Variants in IKBKB-DT observed in about 807,000 individuals in gnomAD.
IKBKB-DT encodes the protein IKBKB divergent transcript.
At chr8:42,234,275 G>A (rs115432572) in intron 3 of IKBKB-DT, among the ~76,000 whole-genome samples, 1 of 152,108 alleles carries the variant, frequency 6.6e-6, no homozygotes, top group Non-Finnish European at 1.5e-5. Flanking sequence ...CCTGATGTTC[G>A]CCTGACTTTC....
chr8:42,236,690 G>A (rs549466979), intron 3 of IKBKB-DT, among the ~76,000 whole-genome samples: 74 of 152,284 alleles, frequency 4.9e-4, no homozygotes, highest in South Asian at 1.9e-3. Flanking sequence ...CCAGAAGGCA[G>A]AGGTTGCGGT....
intron 3 of IKBKB-DT, among the ~76,000 whole-genome samples, chr8:42,238,291 G>T (rs376691403): frequency 6.6e-6 from 1 of 152,150 alleles, no homozygotes; most frequent in East Asian, 1.9e-4. Context: ...GTCTAGCCTG[G>T]CTGGGTCCAT....
At chr8:42,251,756 G>A (rs987824640) in intron 3 of IKBKB-DT, among the ~76,000 whole-genome samples, 1 of 151,074 alleles carries the variant, frequency 6.6e-6, no homozygotes, top group African/African-American at 2.5e-5. Flanking sequence ...ACTTGAACCT[G>A]GGGCAGAGGT....
chr8:42,254,052 C>A (rs1052112804), intron 3 of IKBKB-DT, among the ~76,000 whole-genome samples: 2 of 152,186 alleles, frequency 1.3e-5, no homozygotes, highest in African/African-American at 4.8e-5. Flanking sequence ...ATTGTGGGAG[C>A]TAACATAAAG....
chr8:42,269,668 A>AAGAGGGG (rs1402783693), intron 1 of IKBKB-DT, among the ~76,000 whole-genome samples: 4 of 151,196 alleles, frequency 2.6e-5, no homozygotes, highest in Non-Finnish European at 4.4e-5. Flanking sequence ...AAGGAGAGGG[A>AAGAGGGG]AGAGGGGAGA....
Position 42,239,614 on chromosome 8 carries a change from T to TTTTATATATATA in IKBKB-DT, n.1530-5756_1530-5755insTATATATATAAA, listed in dbSNP as rs1554502579. 1.6e-3 allele frequency among the ~76,000 whole-genome samples: 32 copies of TTTTATATATATA among 19,896 alleles called. 1 individual carries two copies. Among genetic ancestry groups the TTTTATATATATA allele is most frequent in the African/African-American group, 2.2e-3 (16 of 7,254 alleles). 13.1% of individuals were successfully genotyped at this position (19,896 alleles called of 152,430 possible). A position where few individuals can be genotyped will look rare whatever the true frequency, so the allele number is the denominator to read the frequency against. Reference sequence around the variant, plus strand: ...CCAACCAATTTTTGTAAAAGGCAATTTATATATATATATATATATATTTAT... The same window carrying TTTTATATATATA: ...CCAACCAATTTTTGTAAAAGGCAATTTTTATATATATATATATATATATATATATATATTTAT... On this transcript the variant is annotated intron_variant and non_coding_transcript_variant, in intron 3 of 3. Coordinates refer to ENST00000518213, the Ensembl canonical transcript of IKBKB-DT.
intron 3 of IKBKB-DT, among the ~76,000 whole-genome samples, chr8:42,262,658 C>A (rs1286569377): frequency 6.6e-6 from 1 of 151,930 alleles, no homozygotes; most frequent in Non-Finnish European, 1.5e-5. Flanking sequence ...CCAGGATGGT[C>A]TCGATCTCCT....
At chr8:42,243,269 G>A (rs1183454561) in intron 3 of IKBKB-DT, among the ~76,000 whole-genome samples, 1 of 152,190 alleles carries the variant, frequency 6.6e-6, no homozygotes, top group Non-Finnish European at 1.5e-5. Flanking sequence ...CCTCCTGGTG[G>A]GTGAGCGTTC....
At chr8:42,240,321 T>C (rs1239504474) in intron 3 of IKBKB-DT, among the ~76,000 whole-genome samples, 1 of 151,950 alleles carries the variant, frequency 6.6e-6, no homozygotes, top group East Asian at 1.9e-4. Flanking sequence ...CTTAAGTTTA[T>C]TTAGAAACAG....
intron 3 of IKBKB-DT, among the ~76,000 whole-genome samples, chr8:42,249,920 T>TA (rs113852079): frequency 3.0e-4 from 44 of 144,704 alleles, no homozygotes; most frequent in South Asian, 6.6e-4. Context: ...TCACTAAAAA[T>TA]AAAAAAAAAA....
intron 3 of IKBKB-DT, among the ~76,000 whole-genome samples, chr8:42,252,925 C>A (rs1249610952): frequency 1.3e-5 from 2 of 152,154 alleles, no homozygotes. Context: ...AATATTTTAA[C>A]CCAAAACATG....
At chr8:42,249,926 A>T (rs552809125) in intron 3 of IKBKB-DT, among the ~76,000 whole-genome samples, 15 of 152,216 alleles carry the variant, frequency 9.9e-5, no homozygotes, top group East Asian at 7.7e-4. Flanking sequence ...AAAATAAAAA[A>T]AAAAAATTCA....
intron 3 of IKBKB-DT, among the ~76,000 whole-genome samples, chr8:42,235,845 C>G (rs1806913066): frequency 6.6e-6 from 1 of 152,040 alleles, no homozygotes; most frequent in Non-Finnish European, 1.5e-5. Context: ...ATTGGCTCAG[C>G]CTGGCCAACA....
intron 3 of IKBKB-DT, among the ~76,000 whole-genome samples, chr8:42,259,981 C>CAAA (rs111459897): frequency 0.073 from 4,617 of 63,474 alleles, 348 homozygotes; most frequent in African/African-American, 0.2. Context: ...GACTCCGTCT[C>CAAA]AAAAAAAAAA....
At chr8:42,262,120 T>C (rs2129931184) in intron 3 of IKBKB-DT, among the ~76,000 whole-genome samples, 1 of 141,986 alleles carries the variant, frequency 7.0e-6, no homozygotes, top group East Asian at 2.1e-4. Context: ...CTCCTGCTAA[T>C]GTGAATTTGA....
intron 3 of IKBKB-DT, among the ~76,000 whole-genome samples, chr8:42,255,047 G>A (rs191997901): frequency 1.5e-3 from 214 of 144,586 alleles, no homozygotes; most frequent in Non-Finnish European, 2.3e-3. Context: ...CCCAGCTGCC[G>A]CCCTGTCTGG....
intron 3 of IKBKB-DT, among the ~76,000 whole-genome samples, chr8:42,250,306 G>A (rs1466423871): frequency 6.6e-6 from 1 of 152,084 alleles, no homozygotes; most frequent in Non-Finnish European, 1.5e-5. Flanking sequence ...GGAGCCATCG[G>A]TATCAGACAT....
intron 3 of IKBKB-DT, among the ~76,000 whole-genome samples, chr8:42,236,619 T>C (rs1806926890): frequency 1.3e-5 from 2 of 152,130 alleles, no homozygotes; most frequent in African/African-American, 4.8e-5. Flanking sequence ...TAGCCGGGCG[T>C]GGTGACGCAT....
chr8:42,266,932 C>T (rs531987863), intron 1 of IKBKB-DT, among the ~76,000 whole-genome samples: 2 of 151,564 alleles, frequency 1.3e-5, no homozygotes, highest in South Asian at 2.1e-4. Flanking sequence ...CAGTAGCCCT[C>T]GGGGGCTGCT....
Sources: allele counts gnomAD v4.1 joint callset (sites outside exome capture counted in the v4.1 genomes callset), GRCh38; gene constraint gnomAD v4.1.1; transcripts MANE v1.5; gene names NCBI Gene and HGNC (gene_info 2026-07-23, HGNC 2026-07-21).